Variants in LSAMP observed in about 807,000 individuals in gnomAD.
LSAMP encodes limbic system associated membrane protein, also known as limbic system-associated membrane protein.
LSAMP carries 7 observed loss-of-function variants against 38.6 expected under a neutral mutation model. The observed-to-expected ratio is 0.18, with a 90% CI of 0.10 to 0.34. LSAMP has a LOEUF of 0.34. Ranked by LOEUF, LSAMP falls within the 10% of genes least tolerant of loss-of-function variation. The pLI is 1.00. For synonymous variants in LSAMP, 154 were observed against 166.8 expected, an observed-to-expected ratio of 0.92 and a Z score of 0.59; for missense variants, 313 against 420.0, an observed-to-expected ratio of 0.75 and a Z score of 2.23.
chr3:116,343,132 A>G (rs1339033516), intron 1 of LSAMP, among the ~76,000 whole-genome samples: 2 of 152,150 alleles, frequency 1.3e-5, no homozygotes, highest in Admixed American at 1.3e-4. Context: ...TGCCTTGACC[A>G]TCCATCTCTG....
chr3:116,347,071 G>A (rs1402712791), intron 1 of LSAMP, among the ~76,000 whole-genome samples: 2 of 152,072 alleles, frequency 1.3e-5, no homozygotes, highest in Non-Finnish European at 2.9e-5. Context: ...ACAAATGTAG[G>A]GCAAACCCAG....
intron 6 of LSAMP, among the ~76,000 whole-genome samples, chr3:115,813,809 T>C (rs558962118): frequency 1.3e-5 from 2 of 152,318 alleles, no homozygotes; most frequent in East Asian, 3.9e-4. Flanking sequence ...TTCAGAGTTA[T>C]GAAATTTCTG....
Position 116,342,823 on chromosome 3 carries a change from T to C in LSAMP, c.155+102054A>G, listed in dbSNP as rs541172319. On this transcript the variant is annotated intron_variant, in intron 1 of 6. Transcript: ENST00000490035. ...TCCAAGATATGCTCTATTGGAAGCA[T>C]AGATGCAAGAGAAATACAACTTAGC... 7.9e-4 allele frequency among the ~76,000 whole-genome samples: 120 copies of C among 152,124 alleles called. 1 individual carries two copies. The highest frequency in any genetic ancestry group is 9.6e-4 in the Non-Finnish European group (65 of 67,996).
chr3:116,013,435 T>A (rs1470670001), intron 3 of LSAMP, among the ~76,000 whole-genome samples: 1 of 152,196 alleles, frequency 6.6e-6, no homozygotes, highest in African/African-American at 2.4e-5. Flanking sequence ...TATGGAGCCA[T>A]CTGTATTGGG....
intron 1 of LSAMP, among the ~76,000 whole-genome samples, chr3:116,335,870 C>A (rs143178528): frequency 6.6e-6 from 1 of 151,942 alleles, no homozygotes; most frequent in African/African-American, 2.4e-5. Context: ...GTATGGGTAT[C>A]GAACTTACAG....
intron 1 of LSAMP, among the ~76,000 whole-genome samples, chr3:116,269,085 C>T (rs1386089401): frequency 6.6e-6 from 1 of 152,068 alleles, no homozygotes; most frequent in Non-Finnish European, 1.5e-5. Flanking sequence ...ATTCCTTTTT[C>T]ATCATCACCT....
intron 1 of LSAMP, among the ~76,000 whole-genome samples, chr3:116,223,331 A>G (rs2046309650): frequency 6.6e-6 from 1 of 152,216 alleles, no homozygotes; most frequent in Non-Finnish European, 1.5e-5. Context: ...TCAAATATTT[A>G]TTGAGCACTT....
At chr3:116,152,052 T>A (rs2107527933) in intron 1 of LSAMP, among the ~76,000 whole-genome samples, 1 of 152,242 alleles carries the variant, frequency 6.6e-6, no homozygotes, top group African/African-American at 2.4e-5. Flanking sequence ...ATTCCTTACC[T>A]GCAGTCTAAG....
At chr3:115,810,956 A>G (rs1243682860) in intron 6 of LSAMP, among the ~76,000 whole-genome samples, 1 of 152,234 alleles carries the variant, frequency 6.6e-6, no homozygotes, top group Non-Finnish European at 1.5e-5. Context: ...GCTTATGGCT[A>G]GATGGTACCT....
At chr3:115,812,596 C>T (rs1933874019) in intron 6 of LSAMP, among the ~76,000 whole-genome samples, 1 of 152,064 alleles carries the variant, frequency 6.6e-6, no homozygotes, top group African/African-American at 2.4e-5. Context: ...TTTCTATGTA[C>T]ACTAGATGGC....
chr3:116,143,663 G>C (rs1471561831), intron 1 of LSAMP, among the ~76,000 whole-genome samples: 2 of 151,726 alleles, frequency 1.3e-5, no homozygotes, highest in Non-Finnish European at 2.9e-5. Flanking sequence ...TGATTTTCCT[G>C]CCTTGTCTTT....
At chr3:116,111,351 G>C (rs1372249545) in intron 1 of LSAMP, among the ~76,000 whole-genome samples, 1 of 152,134 alleles carries the variant, frequency 6.6e-6, no homozygotes, top group African/African-American at 2.4e-5. Flanking sequence ...TCCTTTGATC[G>C]ACAGTAAGTT....
At chr3:116,151,257 T>A (rs1709602811) in intron 1 of LSAMP, among the ~76,000 whole-genome samples, 1 of 152,062 alleles carries the variant, frequency 6.6e-6, no homozygotes, top group Admixed American at 6.6e-5. Context: ...CAGAGTGCCC[T>A]GGGTTACAGA....
intron 3 of LSAMP, among the ~76,000 whole-genome samples, chr3:115,955,698 C>T (rs1938432655): frequency 1.3e-5 from 2 of 152,124 alleles, no homozygotes; most frequent in African/African-American, 4.8e-5. Flanking sequence ...CAGAATTACC[C>T]AGGTACTTTT....
intron 3 of LSAMP, among the ~76,000 whole-genome samples, chr3:116,017,229 C>G (rs141845839): frequency 2.6e-5 from 4 of 152,218 alleles, no homozygotes; most frequent in Non-Finnish European, 5.9e-5. Context: ...AGGAATCTAT[C>G]TTTAAGTTCA....
chr3:115,937,049 GTAT>G, intron 3 of LSAMP, among the ~76,000 whole-genome samples: 2 of 152,180 alleles, frequency 1.3e-5, no homozygotes, highest in South Asian at 4.2e-4. Flanking sequence ...TAAAATTGTA[GTAT>G]TCTTTAAGAT....
At chr3:115,899,413 G>A (rs1354076838) in intron 3 of LSAMP, among the ~76,000 whole-genome samples, 1 of 152,078 alleles carries the variant, frequency 6.6e-6, no homozygotes, top group Non-Finnish European at 1.5e-5. Flanking sequence ...GCAGTGCAGA[G>A]CATTCACAAT....
intron 6 of LSAMP, chr3:115,841,471 C>CA (rs958412011): frequency 3.1e-5 from 5 of 161,024 alleles, no homozygotes; most frequent in South Asian, 1.9e-4. Flanking sequence ...GCCTTCAAAA[C>CA]AAAAAACAAA....
intron 3 of LSAMP, among the ~76,000 whole-genome samples, chr3:115,881,458 G>A (rs1936321006): frequency 1.3e-5 from 2 of 152,166 alleles, no homozygotes; most frequent in African/African-American, 4.8e-5. Context: ...CAGCCTTGCA[G>A]TGTGCTAGGT....
Sources: allele counts gnomAD v4.1 joint callset (sites outside exome capture counted in the v4.1 genomes callset), GRCh38; gene constraint gnomAD v4.1.1; transcripts MANE v1.5; gene names NCBI Gene and HGNC (gene_info 2026-07-23, HGNC 2026-07-21).